Variants in SV2C observed in about 807,000 individuals in gnomAD.
SV2C encodes the protein synaptic vesicle glycoprotein 2C.
Under a neutral mutation model 79.7 loss-of-function variants are expected in SV2C, and 49 were observed. That is an observed-to-expected ratio of 0.61 (90% CI 0.49 to 0.78). SV2C has a LOEUF of 0.78. SV2C is among the 30% of genes least tolerant of loss of function. The probability of loss-of-function intolerance (pLI) is 0.00; values close to 1 mark genes in which losing one functional copy is unlikely to be tolerated. For missense variants in SV2C, 833 were observed against 912.9 expected, an observed-to-expected ratio of 0.91 and a Z score of 1.13; for synonymous variants, 334 against 333.2, an observed-to-expected ratio of 1.00 and a Z score of -0.03.
At chr5:76,298,535 A>G (rs31243) in intron 9 of SV2C, among the ~76,000 whole-genome samples, 24,868 of 152,154 alleles carry the variant, frequency 0.16, 2,467 homozygotes, top group African/African-American at 0.27. Flanking sequence ...TACCAACATT[A>G]CAAAAAGCTA....
intron 4 of SV2C, among the ~76,000 whole-genome samples, chr5:76,213,869 C>T (rs1453540739): frequency 1.3e-5 from 2 of 152,094 alleles, no homozygotes; most frequent in African/African-American, 4.8e-5. Flanking sequence ...ACCAACATCT[C>T]CCCCCATCCC....
rs545210982 is a variant in SV2C at position 76,320,017 on chromosome 5, TA to T, written c.2001-5345del. ...GAATCTAGAAACTAAAATGTTAGTT[TA>T]ACAAAGTGAAAAGCCAGGCACGGTG... On this transcript the variant is annotated intron_variant, in intron 12 of 12. Coordinates refer to ENST00000502798, the MANE Select transcript of SV2C (RefSeq NM_014979.4). Among the ~76,000 whole-genome samples the T allele has an allele frequency of 5.8e-4, 89 of 152,250 alleles. 2 individuals carry two copies. In the South Asian group the frequency reaches 0.018, roughly 30 times the overall value.
chr5:75,954,065 G>A, the SV2C span, among the ~76,000 whole-genome samples: 8 of 151,972 alleles, frequency 5.3e-5, no homozygotes, highest in Non-Finnish European at 7.4e-5. Context: ...ACTGCCAGGT[G>A]TAATTGAGAT....
At chr5:75,921,958 A>G in the SV2C span, among the ~76,000 whole-genome samples, 1 of 152,164 alleles carries the variant, frequency 6.6e-6, no homozygotes, top group African/African-American at 2.4e-5. Context: ...AGGAATACAA[A>G]CACAAATGCA....
intron 3 of SV2C, among the ~76,000 whole-genome samples, chr5:76,199,232 A>T (rs1363475221): frequency 6.6e-6 from 1 of 152,190 alleles, no homozygotes; most frequent in Non-Finnish European, 1.5e-5. Context: ...ACCATGTTTT[A>T]TCTACTTAAA....
At chr5:76,180,073 T>C (rs541518086) in intron 2 of SV2C, among the ~76,000 whole-genome samples, 31 of 152,338 alleles carry the variant, frequency 2.0e-4, no homozygotes, top group Admixed American at 1.8e-3. Flanking sequence ...TTTCCTGCCA[T>C]ACACAATCAT....
the SV2C span, among the ~76,000 whole-genome samples, chr5:75,904,009 G>A: frequency 6.6e-6 from 1 of 152,102 alleles, no homozygotes; most frequent in Non-Finnish European, 1.5e-5. Flanking sequence ...TGTACTCATG[G>A]CATAAAATCT....
intron 4 of SV2C, among the ~76,000 whole-genome samples, chr5:76,276,343 C>A (rs570298653): frequency 6.6e-6 from 1 of 152,332 alleles, no homozygotes; most frequent in South Asian, 2.1e-4. Flanking sequence ...AGGTTATCAC[C>A]CATCAGCCTT....
At chr5:76,277,699 G>A (rs1373912496) in intron 4 of SV2C, among the ~76,000 whole-genome samples, 2 of 151,558 alleles carry the variant, frequency 1.3e-5, no homozygotes, top group Admixed American at 6.6e-5. Context: ...AGCCAAGGCT[G>A]CAGTGCTGAG....
chr5:76,039,364 G>A, the SV2C span, among the ~76,000 whole-genome samples: 2 of 152,186 alleles, frequency 1.3e-5, no homozygotes, highest in African/African-American at 4.8e-5. Context: ...TCATGTCCAT[G>A]TAGTTTGCTG....
chr5:75,969,737 C>A, the SV2C span, among the ~76,000 whole-genome samples: 2 of 152,030 alleles, frequency 1.3e-5, no homozygotes, highest in African/African-American at 2.4e-5. Context: ...GATTTTAACA[C>A]CCCACTGTCA....
the SV2C span, among the ~76,000 whole-genome samples, chr5:75,962,451 G>A: frequency 6.6e-6 from 1 of 152,112 alleles, no homozygotes; most frequent in African/African-American, 2.4e-5. Flanking sequence ...TATTGACTTA[G>A]AGAACTGGAA....
At chr5:75,919,831 T>C in the SV2C span, among the ~76,000 whole-genome samples, 9 of 152,226 alleles carry the variant, frequency 5.9e-5, no homozygotes, top group Admixed American at 2.0e-4. Flanking sequence ...AGCATTCTCA[T>C]TGTCTTTCTG....
At chr5:76,181,547 C>G (rs534709068) in intron 2 of SV2C, among the ~76,000 whole-genome samples, 156 of 152,192 alleles carry the variant, frequency 1.0e-3, no homozygotes, top group African/African-American at 3.6e-3. Context: ...AATTTACAAT[C>G]TTGGCAGAAG....
chr5:76,162,190 G>T (rs941715182), intron 2 of SV2C, among the ~76,000 whole-genome samples: 1 of 152,116 alleles, frequency 6.6e-6, no homozygotes, highest in African/African-American at 2.4e-5. Flanking sequence ...GTGATGGGAG[G>T]GGATCTTGTC....
chr5:75,980,561 T>C, the SV2C span, among the ~76,000 whole-genome samples: 4 of 152,084 alleles, frequency 2.6e-5, no homozygotes, highest in Non-Finnish European at 5.9e-5. Context: ...GGGTTCAACA[T>C]ACACAAATCA....
the SV2C span, among the ~76,000 whole-genome samples, chr5:76,031,444 C>A: frequency 2.0e-5 from 3 of 152,236 alleles, no homozygotes; most frequent in Non-Finnish European, 4.4e-5. Context: ...CCCCTTCTTG[C>A]TGCTGTTACC....
intron 1 of SV2C, chr5:76,083,941 C>T (rs1747081447): frequency 6.6e-6 from 1 of 151,724 alleles, no homozygotes; most frequent in African/African-American, 2.4e-5. Context: ...GTACCTGGAC[C>T]TATACCTTCA....
chr5:76,233,392 C>G (rs1217978994), intron 4 of SV2C, among the ~76,000 whole-genome samples: 1 of 140,360 alleles, frequency 7.1e-6, no homozygotes, highest in South Asian at 2.2e-4. Flanking sequence ...CAAACAGGGA[C>G]AATTTGACTT....
Sources: gnomAD v4.1 joint callset for allele counts (sites outside exome capture counted in the v4.1 genomes callset) on GRCh38, gnomAD v4.1.1 for gene constraint, MANE v1.5 for transcripts, NCBI Gene and HGNC (gene_info 2026-07-23, HGNC 2026-07-21) for gene names.